Variants in KCNT2 observed in about 807,000 individuals in gnomAD.
KCNT2 encodes the protein potassium sodium-activated channel subfamily T member 2, also known as potassium channel subfamily T member 2.
KCNT2 carries 67 observed loss-of-function variants against 153.8 expected under a neutral mutation model. The ratio of observed to expected loss-of-function variants is 0.44; its 90% CI spans 0.36 to 0.53. The LOEUF is 0.53. Ranked by LOEUF, KCNT2 falls within the 20% of genes least tolerant of loss-of-function variation. The pLI is 0.00. For synonymous variants in KCNT2, 500 were observed against 458.8 expected (o/e 1.09, Z -1.15); for missense variants, 975 against 1,354.8 (o/e 0.72, Z 4.40).
chr1:196,324,733 T>C (rs1051924699), intron 19 of KCNT2, among the ~76,000 whole-genome samples: 6 of 152,080 alleles, frequency 3.9e-5, no homozygotes, highest in African/African-American at 1.2e-4. Flanking sequence ...GCCACATCTA[T>C]ATTTATAGAG....
chr1:196,382,562 G>T (rs1669601803), intron 13 of KCNT2, among the ~76,000 whole-genome samples: 1 of 151,976 alleles, frequency 6.6e-6, no homozygotes, highest in Admixed American at 6.6e-5. Flanking sequence ...GATTAAGGAA[G>T]GAAAAATATT....
chr1:196,515,366 A>T (rs1025836869), intron 1 of KCNT2, among the ~76,000 whole-genome samples: 1 of 152,232 alleles, frequency 6.6e-6, no homozygotes, highest in African/African-American at 2.4e-5. Context: ...AAAATAGATG[A>T]TAAACTGTGA....
chr1:196,462,065 A>G (rs1309715848), intron 8 of KCNT2, among the ~76,000 whole-genome samples: 1 of 151,688 alleles, frequency 6.6e-6, no homozygotes, highest in Admixed American at 6.6e-5. Flanking sequence ...GACATGTCCT[A>G]TGGTTCAATA....
intron 12 of KCNT2, chr1:196,404,136 C>T (rs1671643702): frequency 1.0e-6 from 1 of 979,894 alleles, no homozygotes; most frequent in South Asian, 4.7e-5. Context: ...ACTTACCTTG[C>T]ATTTAGTGAG....
intron 13 of KCNT2, among the ~76,000 whole-genome samples, chr1:196,380,570 T>C (rs1172021192): frequency 6.6e-6 from 1 of 152,146 alleles, no homozygotes; most frequent in Admixed American, 6.6e-5. Flanking sequence ...TAAACCAATC[T>C]AGTGCTGGGT....
rs1473315760 is a variant in KCNT2 at position 196,496,433 on chromosome 1, A to C, written c.96-4092T>G. Among the ~76,000 whole-genome samples the C allele has an allele frequency of 8.7e-5, 13 of 150,196 alleles. No homozygotes were observed. The East Asian group carries it at 2.4e-3, about 27-fold the overall frequency. ...CAGTGAGCCGAGATCGTGCCACTGC[A>C]CTCCAGCCTGGGCGACAGAGCAAGA... On this transcript the variant is annotated intron_variant, in intron 1 of 27. Transcript: ENST00000294725.
chr1:196,487,113 T>TCTC (rs1679483581), intron 3 of KCNT2, among the ~76,000 whole-genome samples: 1 of 151,912 alleles, frequency 6.6e-6, no homozygotes, highest in South Asian at 2.1e-4. Flanking sequence ...TAACATTCAT[T>TCTC]CTCCCCCTTC....
At chr1:196,443,665 C>T (rs1015521310) in intron 8 of KCNT2, among the ~76,000 whole-genome samples, 2 of 151,538 alleles carry the variant, frequency 1.3e-5, no homozygotes, top group South Asian at 2.1e-4. Flanking sequence ...TTCCCTAAAG[C>T]GTTAAGCTAC....
chr1:196,449,940 G>A (rs1676011256), intron 8 of KCNT2, among the ~76,000 whole-genome samples: 3 of 151,730 alleles, frequency 2.0e-5, no homozygotes, highest in Admixed American at 1.3e-4. Context: ...TAACAAAAAT[G>A]TACTATAAAA....
At chr1:196,496,263 A>T (rs1680243291) in intron 1 of KCNT2, among the ~76,000 whole-genome samples, 1 of 151,926 alleles carries the variant, frequency 6.6e-6, no homozygotes, top group African/African-American at 2.4e-5. Context: ...AGGTCAGGAG[A>T]TCGAGACCAT....
At chr1:196,601,685 T>C (rs933709870) in intron 1 of KCNT2, among the ~76,000 whole-genome samples, 6 of 152,242 alleles carry the variant, frequency 3.9e-5, no homozygotes, top group Non-Finnish European at 5.9e-5. Flanking sequence ...ACCAATTTTA[T>C]AGCCATCTTA....
intron 12 of KCNT2, among the ~76,000 whole-genome samples, chr1:196,418,318 A>C (rs565194356): frequency 2.0e-5 from 3 of 152,220 alleles, no homozygotes; most frequent in African/African-American, 7.2e-5. Context: ...TCTACTAAAA[A>C]CACAAAAAAT....
intron 1 of KCNT2, among the ~76,000 whole-genome samples, chr1:196,568,780 CTTT>C (rs10566305): frequency 6.2e-5 from 9 of 145,090 alleles, no homozygotes; most frequent in African/African-American, 7.5e-5. Context: ...TAATAATGAG[CTTT>C]TTTTTTTTTT....
At chr1:196,386,054 G>T (rs1302524202) in intron 13 of KCNT2, among the ~76,000 whole-genome samples, 4 of 152,096 alleles carry the variant, frequency 2.6e-5, no homozygotes, top group African/African-American at 9.7e-5. Context: ...GGAAAAGCCA[G>T]CTGCCACATC....
intron 16 of KCNT2, among the ~76,000 whole-genome samples, chr1:196,339,562 CAGAG>C (rs1184856478): frequency 2.8e-5 from 4 of 144,920 alleles, no homozygotes; most frequent in East Asian, 2.0e-4. Context: ...GACAGAGACA[CAGAG>C]AGAGAGAGAT....
chr1:196,292,334 G>T (rs937434649), intron 22 of KCNT2, among the ~76,000 whole-genome samples: 1 of 152,008 alleles, frequency 6.6e-6, no homozygotes, highest in African/African-American at 2.4e-5. Flanking sequence ...CATAATATAC[G>T]CCATGTATAA....
Position 196,502,291 on chromosome 1 carries a change from C to G in KCNT2, c.96-9950G>C, listed in dbSNP as rs12081907. ...CTAAGTCTTTTCATAATTACTCAAGCCTAACATACTCAACACCTTTAGTCA... is the reference window on the plus strand; with the variant it reads ...CTAAGTCTTTTCATAATTACTCAAGGCTAACATACTCAACACCTTTAGTCA... On this transcript the variant is annotated intron_variant, in intron 1 of 27. Transcript: ENST00000294725. 3.2e-3 allele frequency among the ~76,000 whole-genome samples: 491 copies of G among 152,176 alleles called. 4 individuals are homozygous for G. Among genetic ancestry groups the G allele is most frequent in the African/African-American group, 0.011 (472 of 41,520 alleles).
At chr1:196,499,828 C>G (rs1680529515) in intron 1 of KCNT2, among the ~76,000 whole-genome samples, 1 of 151,958 alleles carries the variant, frequency 6.6e-6, no homozygotes, top group African/African-American at 2.4e-5. Context: ...ACTTGAGTAA[C>G]ATAGATATCA....
intron 26 of KCNT2, among the ~76,000 whole-genome samples, chr1:196,246,105 A>T (rs1422727488): frequency 6.6e-6 from 1 of 152,216 alleles, no homozygotes; most frequent in Non-Finnish European, 1.5e-5. Context: ...GCAAGAGAAA[A>T]GAAACAACAT....
Sources: gnomAD v4.1 joint callset for allele counts (sites outside exome capture counted in the v4.1 genomes callset) on GRCh38, gnomAD v4.1.1 for gene constraint, MANE v1.5 for transcripts, NCBI Gene and HGNC (gene_info 2026-07-23, HGNC 2026-07-21) for gene names.